Variants in HEMK2 observed in about 807,000 individuals in gnomAD.
HEMK2 encodes the protein HemK methyltransferase 2, ETF1 glutamine and histone H4 lysine.
At chr21:28,778,361 TG>T in the HEMK2 span, among the ~76,000 whole-genome samples, 1 of 152,242 alleles carries the variant, frequency 6.6e-6, no homozygotes. Context: ...ACTATTCGTT[TG>T]CTGAAGGCAA....
chr21:28,838,989 A>G, the HEMK2 span, among the ~76,000 whole-genome samples: 33 of 85,810 alleles, frequency 3.8e-4, 1 homozygote, highest in African/African-American at 1.9e-3. Flanking sequence ...ATATATATAT[A>G]TATATATATA....
the HEMK2 span, among the ~76,000 whole-genome samples, chr21:28,881,178 T>C: frequency 6.6e-6 from 1 of 152,216 alleles, no homozygotes; most frequent in Non-Finnish European, 1.5e-5. Context: ...TTGTTGTTTT[T>C]ACCTACTGAG....
chr21:28,770,184 G>C, the HEMK2 span, among the ~76,000 whole-genome samples: 1 of 152,062 alleles, frequency 6.6e-6, no homozygotes, highest in African/African-American at 2.4e-5. Context: ...TAGAGTTTGG[G>C]GATTGCTTCT....
At chr21:28,785,528 T>C in the HEMK2 span, among the ~76,000 whole-genome samples, 4 of 152,228 alleles carry the variant, frequency 2.6e-5, no homozygotes, top group Non-Finnish European at 5.9e-5. Context: ...ATATTCCCAC[T>C]TTGACTCTTG....
chr21:28,752,493 A>G, the HEMK2 span, among the ~76,000 whole-genome samples: 3 of 152,174 alleles, frequency 2.0e-5, no homozygotes, highest in Middle Eastern at 3.2e-3. Flanking sequence ...TTCCATAGTC[A>G]TGTCTTGAAT....
chr21:28,792,384 C>T, the HEMK2 span, among the ~76,000 whole-genome samples: 2 of 152,084 alleles, frequency 1.3e-5, no homozygotes, highest in Admixed American at 1.3e-4. Context: ...GCTCAAGATC[C>T]GATACCCCTC....
At chr21:28,654,043 C>T in the HEMK2 span, among the ~76,000 whole-genome samples, 84 of 152,212 alleles carry the variant, frequency 5.5e-4, 1 homozygote, top group Admixed American at 1.1e-3. Context: ...ATTTGAAAGT[C>T]ACTAACAAAA....
At chr21:28,755,616 T>C in the HEMK2 span, among the ~76,000 whole-genome samples, 1 of 152,302 alleles carries the variant, frequency 6.6e-6, no homozygotes, top group Admixed American at 6.5e-5. Flanking sequence ...AAAGAATAAT[T>C]GTCTAGCAAT....
chr21:28,860,867 A>T, the HEMK2 span, among the ~76,000 whole-genome samples: 1 of 152,202 alleles, frequency 6.6e-6, no homozygotes, highest in Non-Finnish European at 1.5e-5. Context: ...TCAGGGAGTT[A>T]AAAAAGGTTC....
chr21:28,612,370 C>T, the HEMK2 span, among the ~76,000 whole-genome samples: 1 of 152,056 alleles, frequency 6.6e-6, no homozygotes, highest in Non-Finnish European at 1.5e-5. Context: ...AAGCATTTGA[C>T]AAAATCCAAC....
the HEMK2 span, among the ~76,000 whole-genome samples, chr21:28,855,289 T>C: frequency 3.9e-5 from 6 of 152,266 alleles, no homozygotes; most frequent in African/African-American, 9.6e-5. Context: ...GGGTAAAGGA[T>C]TGAAGTCAAC....
chr21:28,744,405 G>T, the HEMK2 span, among the ~76,000 whole-genome samples: 1 of 152,190 alleles, frequency 6.6e-6, no homozygotes, highest in Non-Finnish European at 1.5e-5. Context: ...TGGATTTGCT[G>T]TTCCTGAAAG....
the HEMK2 span, among the ~76,000 whole-genome samples, chr21:28,679,982 T>C: frequency 6.6e-6 from 1 of 151,840 alleles, no homozygotes; most frequent in Admixed American, 6.6e-5. Flanking sequence ...AACATCACAA[T>C]TAAAAGAACT....
chr21:28,620,111 T>C, the HEMK2 span, among the ~76,000 whole-genome samples: 6 of 152,170 alleles, frequency 3.9e-5, no homozygotes, highest in African/African-American at 1.4e-4. Flanking sequence ...ATTCAAATTT[T>C]GCATGCCAAC....
chr21:28,795,300 C>T, the HEMK2 span, among the ~76,000 whole-genome samples: 2 of 152,188 alleles, frequency 1.3e-5, no homozygotes, highest in Non-Finnish European at 2.9e-5. Context: ...GGGTGAGGAA[C>T]TTGCCCCAAT....
chr21:28,766,299 A>C, the HEMK2 span, among the ~76,000 whole-genome samples: 1 of 149,866 alleles, frequency 6.7e-6, no homozygotes. Context: ...AACTTAAAGT[A>C]TAATGATTTT....
chr21:28,721,148 C>T, the HEMK2 span, among the ~76,000 whole-genome samples: 3 of 152,244 alleles, frequency 2.0e-5, no homozygotes, highest in South Asian at 6.2e-4. Flanking sequence ...CAGGATTTTG[C>T]TCTGTCTCCC....
the HEMK2 span, among the ~76,000 whole-genome samples, chr21:28,731,187 G>A: frequency 6.6e-6 from 1 of 152,184 alleles, no homozygotes; most frequent in African/African-American, 2.4e-5. Flanking sequence ...AGCATTAGTA[G>A]TAAGTAATGA....
At chr21:28,650,276 T>G in the HEMK2 span, among the ~76,000 whole-genome samples, 1 of 151,968 alleles carries the variant, frequency 6.6e-6, no homozygotes, top group African/African-American at 2.4e-5. Flanking sequence ...GTGCCTGTAA[T>G]AGCAGCTACC....
Sources: gnomAD v4.1 joint callset for allele counts (sites outside exome capture counted in the v4.1 genomes callset) on GRCh38, gnomAD v4.1.1 for gene constraint, MANE v1.5 for transcripts, NCBI Gene and HGNC (gene_info 2026-07-23, HGNC 2026-07-21) for gene names.